Variants in OCIAD1 observed in about 807,000 individuals in gnomAD.
The protein encoded by OCIAD1 is OCIA domain-containing protein 1.
In OCIAD1, 29 loss-of-function variants were observed where a neutral mutation model predicts 38.9. The observed-to-expected ratio is 0.74, with a 90% confidence interval of 0.55 to 1.02. The LOEUF (loss-of-function observed/expected upper bound fraction) is 1.02. Ranked by LOEUF, OCIAD1 falls within the 50% of genes least tolerant of loss-of-function variation. The probability of loss-of-function intolerance (pLI) is 0.00; values close to 1 mark genes in which losing one functional copy is unlikely to be tolerated. For missense variants in OCIAD1, 288 were observed against 289.6 expected, an observed-to-expected ratio of 0.99 and a Z score of 0.04; for synonymous variants, 110 against 92.0, an observed-to-expected ratio of 1.20 and a Z score of -1.12.
At chr4:48,810,870 A>G (rs1777080591) in intron 1 of OCIAD1, among the ~76,000 whole-genome samples, 1 of 143,434 alleles carries the variant, frequency 7.0e-6, no homozygotes, top group Non-Finnish European at 1.5e-5. Context: ...AGGAGTTGCA[A>G]TTTTCTTTTT....
intron 1 of OCIAD1, among the ~76,000 whole-genome samples, chr4:48,814,255 T>C (rs1415642763): frequency 1.3e-5 from 2 of 150,704 alleles, no homozygotes; most frequent in Admixed American, 1.3e-4. Flanking sequence ...TTTTTTTTTT[T>C]AATCCTTGCC....
At chr4:48,818,365 G>A (rs182105748) in intron 1 of OCIAD1, among the ~76,000 whole-genome samples, 1 of 152,076 alleles carries the variant, frequency 6.6e-6, no homozygotes, top group Non-Finnish European at 1.5e-5. Context: ...CGAACAGAAA[G>A]CCACAACATC....
chr4:48,829,209 G>A (rs1777295395), upstream of OCIAD1, among the ~76,000 whole-genome samples: 1 of 151,608 alleles, frequency 6.6e-6, no homozygotes, highest in African/African-American at 2.4e-5. Flanking sequence ...GCAGTGAGCC[G>A]AGATGGCACC....
At chr4:48,854,493 A>G (rs1779827936) in intron 7 of OCIAD1, among the ~76,000 whole-genome samples, 2 of 152,246 alleles carry the variant, frequency 1.3e-5, no homozygotes, top group South Asian at 4.1e-4. Flanking sequence ...TATTCTAGAC[A>G]TGCACTAACT....
At chr4:48,840,780 TGA>T (rs1778441626) in intron 3 of OCIAD1, among the ~76,000 whole-genome samples, 1 of 147,918 alleles carries the variant, frequency 6.8e-6, no homozygotes, top group Admixed American at 6.9e-5. Flanking sequence ...GCTGATTACT[TGA>T]ACCAAGGAGA....
intron 1 of OCIAD1, among the ~76,000 whole-genome samples, chr4:48,816,755 G>A (rs533052557): frequency 6.6e-6 from 1 of 151,976 alleles, no homozygotes; most frequent in Admixed American, 6.6e-5. Context: ...AGGAACACCC[G>A]AGATCAGGAG....
At chr4:48,815,767 C>T (rs1449031096) in intron 1 of OCIAD1, among the ~76,000 whole-genome samples, 1 of 152,176 alleles carries the variant, frequency 6.6e-6, no homozygotes, top group East Asian at 1.9e-4. Context: ...CCTTTCACTT[C>T]CCATCGCCTC....
chr4:48,815,358 C>T (rs749202721), intron 1 of OCIAD1, among the ~76,000 whole-genome samples: 6 of 152,140 alleles, frequency 3.9e-5, no homozygotes, highest in Non-Finnish European at 8.8e-5. Flanking sequence ...CACACAGTGG[C>T]AGATGCAAGA....
chr4:48,821,963 C>T (rs13109500), intron 1 of OCIAD1, among the ~76,000 whole-genome samples: 84,068 of 151,940 alleles, frequency 0.55, 24,063 homozygotes, highest in African/African-American at 0.71. Flanking sequence ...AAAATGGCCA[C>T]ACTGCCCAAG....
intron 8 of OCIAD1, among the ~76,000 whole-genome samples, chr4:48,857,836 C>T (rs988956123): frequency 1.3e-5 from 2 of 152,020 alleles, no homozygotes; most frequent in Admixed American, 6.6e-5. Context: ...TAAGGTGTTC[C>T]AAAGGCCATT....
chr4:48,808,031 G>T (rs1237075187), intron 1 of OCIAD1, among the ~76,000 whole-genome samples: 1 of 152,188 alleles, frequency 6.6e-6, no homozygotes, highest in South Asian at 2.1e-4. Context: ...TAAACAAGGG[G>T]ACCTAAGCAT....
chr4:48,809,650 C>T (rs1777065484), intron 1 of OCIAD1, among the ~76,000 whole-genome samples: 1 of 152,128 alleles, frequency 6.6e-6, no homozygotes. Flanking sequence ...TTCTCTCTGC[C>T]ACTTTATTCT....
At chr4:48,834,846 T>C (rs1777840832) in intron 3 of OCIAD1, among the ~76,000 whole-genome samples, 1 of 152,238 alleles carries the variant, frequency 6.6e-6, no homozygotes. Flanking sequence ...GTCAGCCTGA[T>C]ATGTATGCTT....
At chr4:48,856,083 T>C (rs1301500938) in intron 7 of OCIAD1, 1 of 152,194 alleles carries the variant, frequency 6.6e-6, no homozygotes, top group African/African-American at 2.4e-5. Flanking sequence ...AGCATCTTTT[T>C]TTTTTAATGT....
chr4:48,829,687 G>A (rs1777329388), upstream of OCIAD1, among the ~76,000 whole-genome samples: 1 of 152,160 alleles, frequency 6.6e-6, no homozygotes, highest in Admixed American at 6.5e-5. Context: ...AAGAACAGTG[G>A]TCTAGAAGAG....
intron 5 of OCIAD1, 199 bp downstream of exon 5, chr4:48,848,645 A>G: frequency 2.6e-6 from 1 of 383,344 alleles, no homozygotes; most frequent in Non-Finnish European, 4.6e-6. Flanking sequence ...TGAAATAGGC[A>G]TTTTTTTGTG....
rs1161483590 is a variant in OCIAD1 at position 48,851,735 on chromosome 4, T to G, written c.378-71T>G. ...TTGGAAATAAGCTATATGAAAGAAG[T>G]TATTTTAACACTTCTTTAAGATATA... On this transcript the variant is annotated intron_variant, in intron 6 of 8. Transcript: ENST00000264312. 5.0e-5 allele frequency: 41 copies of G among 817,520 alleles called. No individual in the cohort carries two copies. The East Asian group carries it at 1.1e-3, about 22-fold the overall frequency. The allele number at this position is 817,520 out of a possible 1,614,324, so 50.6% of individuals were successfully genotyped here. A position where few individuals can be genotyped will look rare whatever the true frequency, so the allele number is the denominator to read the frequency against.
At chr4:48,832,824 G>C in intron 2 of OCIAD1, 142 bp downstream of exon 2, 1 of 676,042 alleles carries the variant, frequency 1.5e-6, no homozygotes, top group East Asian at 2.5e-5. Context: ...TTCTAGTCTT[G>C]TTATCTTGAA....
At chr4:48,816,474 A>G (rs775169488) in intron 1 of OCIAD1, among the ~76,000 whole-genome samples, 8 of 151,768 alleles carry the variant, frequency 5.3e-5, no homozygotes, top group Non-Finnish European at 1.2e-4. Context: ...CGGAGGTTGC[A>G]GTGATCTGAG....
Sources: gnomAD v4.1 joint callset for allele counts (sites outside exome capture counted in the v4.1 genomes callset) on GRCh38, gnomAD v4.1.1 for gene constraint, MANE v1.5 for transcripts, NCBI Gene and HGNC (gene_info 2026-07-23, HGNC 2026-07-21) for gene names.